COL23A1: variants seen among roughly 807,000 people sequenced by gnomAD.
COL23A1 encodes collagen type XXIII alpha 1 chain.
In COL23A1, 97 loss-of-function variants were observed where a neutral mutation model predicts 99.3. The observed-to-expected ratio is 0.98, with a 90% CI of 0.83 to 1.16. The LOEUF (loss-of-function observed/expected upper bound fraction) is 1.16. Ranked by LOEUF, COL23A1 falls within the 50% of genes most tolerant of loss-of-function variation. COL23A1 has a pLI of 0.00. For synonymous variants in COL23A1, 320 were observed against 308.2 expected, an observed-to-expected ratio of 1.04 and a Z score of -0.40; for missense variants, 762 against 757.4, an observed-to-expected ratio of 1.01 and a Z score of -0.07.
chr5:178,519,134 G>A (rs886991818), intron 2 of COL23A1, among the ~76,000 whole-genome samples: 10 of 152,208 alleles, frequency 6.6e-5, no homozygotes, highest in African/African-American at 2.2e-4. Flanking sequence ...CTTCTCAACA[G>A]CAGTTCTTTC....
At chr5:178,443,700 C>T (rs1767008849) in intron 2 of COL23A1, among the ~76,000 whole-genome samples, 1 of 151,954 alleles carries the variant, frequency 6.6e-6, no homozygotes. Flanking sequence ...TCAAGTGATC[C>T]GCCTGCCTCA....
chr5:178,407,300 C>T (rs984847770), intron 2 of COL23A1, among the ~76,000 whole-genome samples: 2 of 152,218 alleles, frequency 1.3e-5, no homozygotes, highest in Non-Finnish European at 2.9e-5. Context: ...CACCCTCCAC[C>T]TGAAAGTAAT....
chr5:178,253,780 C>T (rs1009647595), intron 16 of COL23A1, among the ~76,000 whole-genome samples: 2 of 152,062 alleles, frequency 1.3e-5, no homozygotes, highest in South Asian at 2.1e-4. Flanking sequence ...CGCGCCCGGC[C>T]GTGTTTTTAT....
chr5:178,572,029 C>T (rs567109439), intron 1 of COL23A1, among the ~76,000 whole-genome samples: 49 of 143,798 alleles, frequency 3.4e-4, no homozygotes, highest in African/African-American at 9.6e-4. Context: ...GATTGCGCCA[C>T]TGCACTCCAG....
chr5:178,517,579 T>TTTTTTTTTTC (rs1759605654), intron 2 of COL23A1, among the ~76,000 whole-genome samples: 1 of 145,696 alleles, frequency 6.9e-6, no homozygotes, highest in Admixed American at 6.9e-5. Flanking sequence ...TTTTTTTTTT[T>TTTTTTTTTTC]GAGATGGAGT....
At chr5:178,406,325 C>T (rs1428465210) in intron 2 of COL23A1, among the ~76,000 whole-genome samples, 2 of 152,064 alleles carry the variant, frequency 1.3e-5, no homozygotes, top group African/African-American at 4.8e-5. Context: ...GGAAGACATG[C>T]TAGTTCTTGG....
intron 2 of COL23A1, among the ~76,000 whole-genome samples, chr5:178,500,028 G>A (rs1022370397): frequency 3.3e-5 from 5 of 152,172 alleles, no homozygotes; most frequent in Admixed American, 2.0e-4. Context: ...GTAACAGAAA[G>A]TTGGTAAGTG....
chr5:178,303,601 T>C (rs1344249993), intron 3 of COL23A1, among the ~76,000 whole-genome samples: 1 of 152,204 alleles, frequency 6.6e-6, no homozygotes, highest in East Asian at 1.9e-4. Flanking sequence ...GCACAGACAC[T>C]GTTGCCCGAA....
intron 2 of COL23A1, among the ~76,000 whole-genome samples, chr5:178,462,255 C>G (rs1756162657): frequency 6.6e-6 from 1 of 152,192 alleles, no homozygotes; most frequent in African/African-American, 2.4e-5. Flanking sequence ...ACCCAGCAAT[C>G]AGGCCCAATC....
intron 2 of COL23A1, among the ~76,000 whole-genome samples, chr5:178,499,991 C>A (rs1033720321): frequency 6.6e-6 from 1 of 152,132 alleles, no homozygotes; most frequent in African/African-American, 2.4e-5. Context: ...GTTACATAGA[C>A]TTCTTGGAAG....
intron 5 of COL23A1, among the ~76,000 whole-genome samples, chr5:178,278,886 G>A (rs567407046): frequency 6.6e-6 from 1 of 152,206 alleles, no homozygotes; most frequent in African/African-American, 2.4e-5. Context: ...AATGAGAGCA[G>A]CTGTGACGCG....
chr5:178,517,547 G>A (rs184418176), intron 2 of COL23A1, among the ~76,000 whole-genome samples: 4 of 114,752 alleles, frequency 3.5e-5, no homozygotes, highest in East Asian at 4.2e-4. Context: ...TCAGACTCTC[G>A]GTGACAGCAG....
intron 1 of COL23A1, among the ~76,000 whole-genome samples, chr5:178,584,450 C>T (rs963281623): frequency 1.3e-5 from 2 of 152,134 alleles, no homozygotes; most frequent in Admixed American, 6.5e-5. Context: ...TATGCACCCA[C>T]CTTGGTCCCC....
chr5:178,316,721 T>C (rs1759001277), intron 2 of COL23A1, among the ~76,000 whole-genome samples: 1 of 152,184 alleles, frequency 6.6e-6, no homozygotes. Flanking sequence ...TTTAAAATGG[T>C]TTTATTCTCT....
chr5:178,379,556 C>T (rs1763262515), intron 2 of COL23A1, among the ~76,000 whole-genome samples: 1 of 152,132 alleles, frequency 6.6e-6, no homozygotes, highest in Admixed American at 6.5e-5. Flanking sequence ...TGTATTACCC[C>T]TGTAATTAAT....
At chr5:178,469,703 C>T (rs886070350) in intron 2 of COL23A1, among the ~76,000 whole-genome samples, 4 of 152,092 alleles carry the variant, frequency 2.6e-5, no homozygotes, top group South Asian at 2.1e-4. Context: ...AGAGAGCCCC[C>T]GTCCTGTCTG....
intron 2 of COL23A1, among the ~76,000 whole-genome samples, chr5:178,411,403 A>G (rs913089712): frequency 6.6e-6 from 1 of 152,228 alleles, no homozygotes; most frequent in Non-Finnish European, 1.5e-5. Flanking sequence ...ATGCCCATCA[A>G]AAGATGAATA....
chr5:178,397,656 C>T (rs149175237), intron 2 of COL23A1, among the ~76,000 whole-genome samples: 6 of 152,342 alleles, frequency 3.9e-5, no homozygotes, highest in Admixed American at 6.5e-5. Context: ...TAATGTGATG[C>T]GAATCCACTG....
chr5:178,404,140 G>A lies in COL23A1; in HGVS notation c.362-97221C>T, dbSNP rs186826111. Among the ~76,000 whole-genome samples, 7 of 152,292 alleles carry A rather than the reference G, an allele frequency of 4.6e-5. No homozygotes were observed. In the East Asian group the frequency reaches 1.2e-3, roughly 25 times the overall value. On this transcript the variant is annotated intron_variant, in intron 2 of 28. Coordinates refer to ENST00000390654, the MANE Select transcript of COL23A1 (RefSeq NM_173465.4). ...CAGAACCGGAAGACGGCAGCCATTC[G>A]CGGAGCGCCTACTGTGTGCAGGCAG...
Sources: allele counts gnomAD v4.1 joint callset (sites outside exome capture counted in the v4.1 genomes callset), GRCh38; gene constraint gnomAD v4.1.1; transcripts MANE v1.5; gene names NCBI Gene and HGNC (gene_info 2026-07-23, HGNC 2026-07-21).